The following PTPRD variants were observed in gnomAD, a reference collection of about 807,000 sequenced individuals.
PTPRD encodes the protein receptor-type tyrosine-protein phosphatase delta.
Under a neutral mutation model 214.5 loss-of-function variants are expected in PTPRD, and 34 were observed. The ratio of observed to expected loss-of-function variants is 0.16; its 90% CI spans 0.12 to 0.21. The LOEUF (loss-of-function observed/expected upper bound fraction) is 0.21, where lower values mean the gene tolerates loss of function less well. PTPRD is among the 10% of genes least tolerant of loss of function. The pLI is 1.00. For synonymous variants in PTPRD, 1,128 were observed against 845.7 expected (o/e 1.33, Z -5.79); for missense variants, 2,545 against 2,398.7 (o/e 1.06, Z -1.27).
At chr9:9,268,494 C>T (rs1322620584) in intron 9 of PTPRD, among the ~76,000 whole-genome samples, 1 of 150,900 alleles carries the variant, frequency 6.6e-6, no homozygotes, top group Non-Finnish European at 1.5e-5. Context: ...TGGCATTTTC[C>T]ACAGAAATAG....
chr9:9,461,894 A>G (rs1336230031), intron 8 of PTPRD, among the ~76,000 whole-genome samples: 1 of 152,136 alleles, frequency 6.6e-6, no homozygotes, highest in East Asian at 1.9e-4. Flanking sequence ...CAATTTAAAT[A>G]CTATCTCCTC....
chr9:9,902,284 G>A (rs990349048), intron 5 of PTPRD, among the ~76,000 whole-genome samples: 2 of 152,030 alleles, frequency 1.3e-5, no homozygotes, highest in African/African-American at 4.8e-5. Context: ...TCTAATTTAT[G>A]TATCTTTGTG....
intron 7 of PTPRD, among the ~76,000 whole-genome samples, chr9:9,726,969 C>G (rs771893769): frequency 2.9e-4 from 44 of 152,008 alleles, no homozygotes; most frequent in Non-Finnish European, 5.1e-4. Context: ...GAATAATAAG[C>G]AGAGAGCTTT....
intron 11 of PTPRD, among the ~76,000 whole-genome samples, chr9:8,842,440 C>T (rs904257357): frequency 6.6e-6 from 1 of 152,012 alleles, no homozygotes; most frequent in Non-Finnish European, 1.5e-5. Context: ...CATCAGTATC[C>T]CTTTACAACT....
chr9:8,633,504 T>C (rs374703918), intron 13 of PTPRD, 46 bp from the exon 14 acceptor site: 7 of 1,600,392 alleles, frequency 4.4e-6, no homozygotes, highest in Middle Eastern at 1.7e-4. Flanking sequence ...TACAATTGTC[T>C]ACCTCTCAGC....
intron 5 of PTPRD, among the ~76,000 whole-genome samples, chr9:9,882,254 A>T (rs915150716): frequency 2.0e-5 from 3 of 152,088 alleles, no homozygotes; most frequent in Non-Finnish European, 2.9e-5. Context: ...GATTGTAAGC[A>T]GAAGGATCGA....
chr9:10,508,991 C>T (rs977265083), intron 2 of PTPRD, among the ~76,000 whole-genome samples: 1 of 151,634 alleles, frequency 6.6e-6, no homozygotes, highest in South Asian at 2.1e-4. Flanking sequence ...CATATAATGT[C>T]GATATGTGTT....
intron 3 of PTPRD, among the ~76,000 whole-genome samples, chr9:10,177,895 G>T (rs771268614): frequency 1.3e-5 from 2 of 151,870 alleles, no homozygotes; most frequent in African/African-American, 4.8e-5. Flanking sequence ...ATTAAAAAAA[G>T]ATTATCTACA....
chr9:8,471,610 A>G (rs948211012), intron 30 of PTPRD, among the ~76,000 whole-genome samples: 6 of 152,192 alleles, frequency 3.9e-5, no homozygotes, highest in African/African-American at 1.4e-4. Context: ...TGCACAGAGT[A>G]AGATATTAAA....
intron 9 of PTPRD, among the ~76,000 whole-genome samples, chr9:9,240,836 T>C (rs529090965): frequency 1.3e-5 from 2 of 152,296 alleles, no homozygotes; most frequent in East Asian, 3.9e-4. Context: ...ATTTCGCTCA[T>C]CAGGTTTCTA....
At chr9:9,448,398 C>T (rs923109290) in intron 8 of PTPRD, among the ~76,000 whole-genome samples, 1 of 151,950 alleles carries the variant, frequency 6.6e-6, no homozygotes, top group African/African-American at 2.4e-5. Flanking sequence ...AGTGAGTTCT[C>T]ATGAGATCTG....
intron 22 of PTPRD, among the ~76,000 whole-genome samples, chr9:8,505,774 A>C (rs540270728): frequency 6.6e-6 from 1 of 152,316 alleles, no homozygotes; most frequent in East Asian, 1.9e-4. Context: ...AATTCCCTAA[A>C]TAAGCAATTG....
At chr9:9,661,520 G>A (rs955936013) in intron 7 of PTPRD, among the ~76,000 whole-genome samples, 24 of 151,646 alleles carry the variant, frequency 1.6e-4, no homozygotes, top group African/African-American at 4.8e-4. Context: ...CTAAACTATG[G>A]TATCATTAGA....
chr9:9,361,109 A>G (rs2055968863), intron 9 of PTPRD, among the ~76,000 whole-genome samples: 1 of 151,150 alleles, frequency 6.6e-6, no homozygotes, highest in South Asian at 2.1e-4. Context: ...GTTTAAATCC[A>G]TTTTAGTTTT....
At chr9:9,103,148 T>C (rs2099793595) in intron 10 of PTPRD, among the ~76,000 whole-genome samples, 2 of 152,214 alleles carry the variant, frequency 1.3e-5, no homozygotes, top group Admixed American at 6.5e-5. Flanking sequence ...TTCCAAGTTA[T>C]AACTTTTTAT....
At chr9:8,676,929 G>A (rs1158708360) in intron 12 of PTPRD, among the ~76,000 whole-genome samples, 7 of 152,076 alleles carry the variant, frequency 4.6e-5, no homozygotes, top group African/African-American at 1.4e-4. Context: ...GCACACAGTA[G>A]GCACCCAAAA....
chr9:8,745,393 T>C (rs1359481196), intron 11 of PTPRD, among the ~76,000 whole-genome samples: 1 of 152,248 alleles, frequency 6.6e-6, no homozygotes, highest in African/African-American at 2.4e-5. Context: ...CCTCCTTTAA[T>C]TAGCAAAGAG....
intron 9 of PTPRD, among the ~76,000 whole-genome samples, chr9:9,243,682 C>T (rs1043104266): frequency 3.4e-4 from 52 of 152,106 alleles, no homozygotes; most frequent in Non-Finnish European, 7.2e-4. Flanking sequence ...CAGCCAATAT[C>T]ATACTGAATG....
intron 34 of PTPRD, chr9:8,437,115 A>G: frequency 1.1e-6 from 1 of 920,504 alleles, no homozygotes; most frequent in South Asian, 1.6e-5. Context: ...AAGAAAACAG[A>G]CACTGAGAAA....
Sources: allele counts gnomAD v4.1 joint callset (sites outside exome capture counted in the v4.1 genomes callset), GRCh38; gene constraint gnomAD v4.1.1; transcripts MANE v1.5; gene names NCBI Gene and HGNC (gene_info 2026-07-23, HGNC 2026-07-21).